SNX9: variants seen among roughly 807,000 people sequenced by gnomAD.
SNX9 encodes the protein sorting nexin 9.
Under a neutral mutation model 89.4 loss-of-function variants are expected in SNX9, and 44 were observed. That is an observed-to-expected ratio of 0.49 (90% CI 0.39 to 0.63). The LOEUF (loss-of-function observed/expected upper bound fraction) is 0.63. Ranked by LOEUF, SNX9 falls within the 30% of genes least tolerant of loss-of-function variation. The pLI, the probability that SNX9 is intolerant of heterozygous loss-of-function variation, is 0.00. For synonymous variants in SNX9, 236 were observed against 247.8 expected, an observed-to-expected ratio of 0.95 and a Z score of 0.45; for missense variants, 578 against 736.1, an observed-to-expected ratio of 0.79 and a Z score of 2.49.
rs2115228939 is a variant in SNX9 at position 157,943,666 on chromosome 6, T to C, written c.*828T>C. On this transcript the variant is annotated 3_prime_UTR_variant, in exon 18 of 18. Coordinates refer to ENST00000392185, the MANE Select transcript of SNX9 (RefSeq NM_016224.5). ...AGAATTGAGGGACTTTGTAGAGAAT[T>C]TTGTGGCTTTGGTCCAACGGGTGAG... 1 of 152,504 alleles carries C rather than the reference T, an allele frequency of 6.6e-6. No homozygotes were observed. Among genetic ancestry groups the C allele is most frequent in the Middle Eastern group, 3.4e-3 (1 of 296 alleles). 9.4% of individuals were successfully genotyped at this position (152,504 alleles called of 1,614,324 possible).
intron 1 of SNX9, among the ~76,000 whole-genome samples, chr6:157,860,482 A>C (rs1453646134): frequency 6.6e-6 from 1 of 152,266 alleles, no homozygotes; most frequent in Non-Finnish European, 1.5e-5. Context: ...ACAGGCAGTC[A>C]CACGTAGGTT....
At position 157,927,203 on chromosome 6, in the gene SNX9, C is replaced by A. The variant is rs1489861306; in HGVS notation, c.1173C>A (p.Asp391Glu). The change falls in exon 11 of 18, where the codon GAC becomes GAA. Residue 391 changes from aspartate to glutamate, a missense_variant. By Grantham distance (45) the Asp-to-Glu change is conservative (BLOSUM62 2). Transcript: ENST00000392185. ...STMEPEAPDL[D>E]LVEIEQKCEA... ...TGGAACCAGAGGCACCTGACTTGGACTTAGTAGAAATGTGAGAGACGCTGC... is the reference window on the plus strand; with the variant it reads ...TGGAACCAGAGGCACCTGACTTGGAATTAGTAGAAATGTGAGAGACGCTGC... 6.2e-7 allele frequency: 1 copy of A among 1,611,872 alleles called. No individual in the cohort carries two copies. The highest frequency in any genetic ancestry group is 1.3e-5 in the African/African-American group (1 of 74,864).
intron 1 of SNX9, among the ~76,000 whole-genome samples, chr6:157,837,748 A>G (rs1256914704): frequency 2.0e-5 from 3 of 152,216 alleles, no homozygotes; most frequent in Non-Finnish European, 1.5e-5. Context: ...CTGTGTTCAT[A>G]TGACCTGTCT....
Position 157,844,587 on chromosome 6 carries a change from G to GTTTTTTTGTTTTTTTTTTTT in SNX9, c.12+21148_12+21149insGTTTTTTTTTTTTTTTTTTT, listed in dbSNP as rs1554291784. Among the ~76,000 whole-genome samples the GTTTTTTTGTTTTTTTTTTTT allele has an allele frequency of 1.5e-4, 19 of 130,298 alleles. 1 individual carries two copies. The South Asian group carries it at 1.8e-3, about 12-fold the overall frequency. The allele number at this position is 130,298 out of a possible 152,430, so 85.5% of individuals were successfully genotyped here. A position where few individuals can be genotyped will look rare whatever the true frequency, so the allele number is the denominator to read the frequency against. On this transcript the variant is annotated intron_variant, in intron 1 of 17. Transcript: ENST00000392185. ...ATTTTTAATCTTGTGGCTAATCCTTGTTTTTTTTTTTTGTTTTTTTTTTTG... is the reference window on the plus strand; with the variant it reads ...ATTTTTAATCTTGTGGCTAATCCTTGTTTTTTTGTTTTTTTTTTTTTTTTTTTTTTTTGTTTTTTTTTTTG...
Position 157,823,351 on chromosome 6 carries a change from C to A in SNX9, c.-84C>A. 8.2e-7 allele frequency: 1 copy of A among 1,224,524 alleles called. No individual in the cohort carries two copies. Among genetic ancestry groups the A allele is most frequent in the Non-Finnish European group, 1.0e-6 (1 of 968,280 alleles). 75.9% of individuals were successfully genotyped at this position (1,224,524 alleles called of 1,614,324 possible). A position where few individuals can be genotyped will look rare whatever the true frequency, so the allele number is the denominator to read the frequency against. On this transcript the variant is annotated 5_prime_UTR_variant, in exon 1 of 18. Coordinates refer to ENST00000392185, the MANE Select transcript of SNX9 (RefSeq NM_016224.5). The surrounding 1 kb of genome is among the most constrained non-coding windows in gnomAD (Gnocchi z 4.6). Reference sequence around the variant, plus strand: ...CCCAGCCGGAGCCGCCGCCCTCGCCCTTGCCTTTGCCTGCGCGGCTCAGAA... The same window carrying A: ...CCCAGCCGGAGCCGCCGCCCTCGCCATTGCCTTTGCCTGCGCGGCTCAGAA...
At chr6:157,838,795 G>A (rs971038620) in intron 1 of SNX9, among the ~76,000 whole-genome samples, 3 of 152,150 alleles carry the variant, frequency 2.0e-5, no homozygotes, top group African/African-American at 7.2e-5. Flanking sequence ...AAGTGTAAAT[G>A]TCCACTTTCC....
rs1431584453 is a variant in SNX9, at chr6:157,944,668, C to T, written c.*1830C>T. ...TGACATGAATTCATCATTTCAGTTC[C>T]GTAGGTCAGTGTTGCGGTCCGGGAA... On this transcript the variant is annotated 3_prime_UTR_variant, in exon 18 of 18. Coordinates refer to ENST00000392185, the MANE Select transcript of SNX9 (RefSeq NM_016224.5). 1 of 152,160 alleles carries T rather than the reference C, an allele frequency of 6.6e-6. No homozygotes were observed. The highest frequency in any genetic ancestry group is 1.5e-5 in the Non-Finnish European group (1 of 68,036). The allele number at this position is 152,160 out of a possible 1,614,324, so 9.4% of individuals were successfully genotyped here. A position where few individuals can be genotyped will look rare whatever the true frequency, so the allele number is the denominator to read the frequency against.
intron 4 of SNX9, among the ~76,000 whole-genome samples, chr6:157,881,708 A>G (rs1311867059): frequency 6.6e-6 from 1 of 152,234 alleles, no homozygotes; most frequent in African/African-American, 2.4e-5. Flanking sequence ...TAGAAGATCA[A>G]ACAGGCCACA....
At chr6:157,932,866 CAAAAAAAAAAAAAA>C (rs10545432) in intron 13 of SNX9, among the ~76,000 whole-genome samples, 3 of 39,202 alleles carry the variant, frequency 7.7e-5, no homozygotes, top group African/African-American at 1.0e-4. Flanking sequence ...GACCCTGTCT[CAAAAAAAAAAAAAA>C]AAAAAAAAAA....
chr6:157,882,317 A>G (rs1195137168), intron 4 of SNX9, among the ~76,000 whole-genome samples: 1 of 152,198 alleles, frequency 6.6e-6, no homozygotes, highest in Non-Finnish European at 1.5e-5. Context: ...CTTTCAAAAT[A>G]TTACTGCTCA....
intron 1 of SNX9, among the ~76,000 whole-genome samples, chr6:157,856,913 A>G (rs2115125884): frequency 1.3e-5 from 2 of 152,220 alleles, no homozygotes; most frequent in East Asian, 3.9e-4. Flanking sequence ...GATGAATTAA[A>G]TCTTTGGGGA....
intron 12 of SNX9, among the ~76,000 whole-genome samples, chr6:157,929,844 G>A (rs979523662): frequency 6.6e-5 from 10 of 152,156 alleles, no homozygotes; most frequent in African/African-American, 2.4e-4. Context: ...CAAAGACAAT[G>A]TCAGTATTAC....
At chr6:157,934,942 A>G (rs559446064) in intron 13 of SNX9, among the ~76,000 whole-genome samples, 2 of 152,362 alleles carry the variant, frequency 1.3e-5, no homozygotes, top group Admixed American at 6.5e-5. Flanking sequence ...TTAGATACCA[A>G]TTGGAAGAGC....
rs1278155358 is a variant in SNX9, at chr6:157,906,151, G to T, written c.644G>T (p.Gly215Val). 6.2e-7 allele frequency: 1 copy of T among 1,608,984 alleles called. No homozygotes were observed. Among genetic ancestry groups the T allele is most frequent in the African/African-American group, 1.3e-5 (1 of 74,502 alleles). The change falls in exon 7 of 18, where the codon GGC becomes GTC. Residue 215 changes from glycine to valine, a missense_variant. Physicochemically the swap from Gly to Val is moderately radical, Grantham distance 109. This residue lies in a region of SNX9 where 348 missense variants were observed against 491.4 expected (regional missense o/e 0.71). Coordinates refer to ENST00000392185, the MANE Select transcript of SNX9 (RefSeq NM_016224.5). ...AGATTTCCTGGATTTGCGAAACCTG[G>T]CACGGAACAGTATTTGTTGGCCAAA... ...LNKFPGFAKP[G>V]TEQYLLAKQL...
At chr6:157,835,690 A>G (rs868741691) in intron 1 of SNX9, among the ~76,000 whole-genome samples, 1 of 152,078 alleles carries the variant, frequency 6.6e-6, no homozygotes. Flanking sequence ...TGATGGTTTT[A>G]TAAGGGGTTC....
chr6:157,843,309 G>A (rs1013206619), intron 1 of SNX9, among the ~76,000 whole-genome samples: 3 of 152,136 alleles, frequency 2.0e-5, no homozygotes, highest in African/African-American at 7.2e-5. Flanking sequence ...TATAACTTTC[G>A]ACTCCCCCAA....
intron 4 of SNX9, chr6:157,885,289 T>C (rs527972420): frequency 6.6e-6 from 1 of 152,322 alleles, no homozygotes; most frequent in African/African-American, 2.4e-5. Flanking sequence ...GTGATCTACC[T>C]TCATTTTTAG....
intron 1 of SNX9, among the ~76,000 whole-genome samples, chr6:157,840,289 G>A (rs893611123): frequency 1.3e-5 from 2 of 152,154 alleles, no homozygotes; most frequent in Non-Finnish European, 2.9e-5. Context: ...CAGGGAAGAG[G>A]GGCTGCTCCC....
intron 2 of SNX9, among the ~76,000 whole-genome samples, chr6:157,869,527 G>C (rs533723419): frequency 6.6e-5 from 10 of 152,238 alleles, no homozygotes; most frequent in Admixed American, 2.0e-4. Context: ...TAAAGCCATT[G>C]GTTTCTCTCC....
Sources: allele counts gnomAD v4.1 joint callset (sites outside exome capture counted in the v4.1 genomes callset), GRCh38; gene constraint gnomAD v4.1.1; regional missense constraint gnomAD v4.1.1; non-coding constraint Gnocchi (gnomAD v3.1); transcripts MANE v1.5; gene names NCBI Gene and HGNC (gene_info 2026-07-23, HGNC 2026-07-21).